NFE2L2: variants seen among roughly 807,000 people sequenced by gnomAD.
NFE2L2 encodes the protein NFE2 like bZIP transcription factor 2.
A neutral mutation model predicts 49.6 loss-of-function variants in NFE2L2; 20 were observed. The observed-to-expected ratio is 0.40, with a 90% confidence interval of 0.28 to 0.59. The LOEUF is 0.59. Ranked by LOEUF, NFE2L2 falls within the 20% of genes least tolerant of loss-of-function variation. NFE2L2 has a pLI of 0.40. For missense variants in NFE2L2, 578 were observed against 714.2 expected (o/e 0.81, Z 2.17); for synonymous variants, 244 against 256.5 (o/e 0.95, Z 0.47).
intron 1 of NFE2L2, chr2:177,263,744 G>C (rs1213816510): frequency 1.0e-6 from 1 of 985,360 alleles, no homozygotes. Flanking sequence ...TTCCCGCGGC[G>C]TTACGAGGGG....
intron 1 of NFE2L2, 96 bp downstream of exon 1, chr2:177,264,436 G>GAAGCC (rs1690862966): frequency 7.7e-7 from 1 of 1,306,978 alleles, no homozygotes; most frequent in African/African-American, 1.5e-5. Flanking sequence ...AGACGTGGGG[G>GAAGCC]AAGCCGGTTG....
At chr2:177,232,733 T>G in intron 3 of NFE2L2, 150 bp from the exon 4 acceptor site, 1 of 737,576 alleles carries the variant, frequency 1.4e-6, no homozygotes. Flanking sequence ...AAATAACAAA[T>G]CTTTTTTTCC....
At chr2:177,250,891 GA>G (rs946647172) in intron 1 of NFE2L2, among the ~76,000 whole-genome samples, 2 of 152,190 alleles carry the variant, frequency 1.3e-5, no homozygotes, top group Non-Finnish European at 2.9e-5. Context: ...AGCCCTTACG[GA>G]AAAGTTTTCC....
intron 1 of NFE2L2, among the ~76,000 whole-genome samples, chr2:177,242,321 A>G (rs2105470208): frequency 6.6e-6 from 1 of 152,226 alleles, no homozygotes; most frequent in East Asian, 1.9e-4. Context: ...TGTTGTATAC[A>G]TCAGCAGAGA....
chr2:177,231,376 T>C lies in NFE2L2; in HGVS notation c.1227A>G (p.Pro409=). ...SSGDMVQPLS[P]SQGQSTHVHD... Reference sequence around the variant, plus strand: ...GCACGTGAGTGCTCTGCCCCTGAGATGGTGACAAGGGTTGTACCATATCCC... The same window carrying C: ...GCACGTGAGTGCTCTGCCCCTGAGACGGTGACAAGGGTTGTACCATATCCC... The change falls in exon 5 of 5, where the codon CCA becomes CCG. Residue 409 remains proline (P), a synonymous_variant. Coordinates refer to ENST00000397062, the MANE Select transcript of NFE2L2 (RefSeq NM_006164.5). The C allele has an allele frequency of 6.2e-7, 1 of 1,614,284 alleles. No homozygotes were observed. The highest frequency in any genetic ancestry group is 8.5e-7 in the Non-Finnish European group (1 of 1,180,052).
At position 177,232,391 on chromosome 2, in the gene NFE2L2, C is replaced by T. The variant is rs2105455059; in HGVS notation, c.594+1G>A. 6.2e-7 allele frequency: 1 copy of T among 1,610,500 alleles called. No homozygotes were observed. The highest frequency in any genetic ancestry group is 8.5e-7 in the Non-Finnish European group (1 of 1,177,812). ...CCAGTATTACATTCTATTTTAGTTACCTGTAACTCAGGAATGGATAATAGC... is the reference window on the plus strand; with the variant it reads ...CCAGTATTACATTCTATTTTAGTTATCTGTAACTCAGGAATGGATAATAGC... On this transcript the variant is annotated splice_donor_variant, in intron 4 of 4. Transcript: ENST00000397062. LOFTEE classifies it high-confidence loss of function.
At chr2:177,244,602 T>G (rs1306002667) in intron 1 of NFE2L2, among the ~76,000 whole-genome samples, 1 of 152,210 alleles carries the variant, frequency 6.6e-6, no homozygotes, top group Non-Finnish European at 1.5e-5. Flanking sequence ...ACTGGCCTAC[T>G]GTGTGAATAT....
chr2:177,240,302 A>G (rs772082787), intron 1 of NFE2L2, among the ~76,000 whole-genome samples: 3 of 152,228 alleles, frequency 2.0e-5, no homozygotes, highest in Admixed American at 6.5e-5. Context: ...AAAGTGTTAG[A>G]TAAGTAGGGT....
intron 1 of NFE2L2, among the ~76,000 whole-genome samples, chr2:177,244,767 G>A (rs1690065239): frequency 6.6e-6 from 1 of 152,154 alleles, no homozygotes. Context: ...AGCACTTTGG[G>A]AGGCCGAGGC....
chr2:177,264,631 C>A lies in NFE2L2; in HGVS notation c.-55G>T. On this transcript the variant is annotated 5_prime_UTR_variant, in exon 1 of 5. Coordinates refer to ENST00000397062, the MANE Select transcript of NFE2L2 (RefSeq NM_006164.5). Reference sequence around the variant, plus strand: ...CCCGACGGCGGCCCTGTTCCGGCTGCCGAGGCGCGGCGCGGACAGGGCGGC... The same window carrying A: ...CCCGACGGCGGCCCTGTTCCGGCTGACGAGGCGCGGCGCGGACAGGGCGGC... 7.2e-7 allele frequency: 1 copy of A among 1,394,570 alleles called. No individual in the cohort carries two copies. The allele number at this position is 1,394,570 out of a possible 1,614,324, so 86.4% of individuals were successfully genotyped here. A position where few individuals can be genotyped will look rare whatever the true frequency, so the allele number is the denominator to read the frequency against.
chr2:177,239,968 A>C (rs1433729621), intron 1 of NFE2L2, among the ~76,000 whole-genome samples: 6 of 138,016 alleles, frequency 4.3e-5, no homozygotes, highest in Non-Finnish European at 6.3e-5. Flanking sequence ...AAAAAAAAAA[A>C]CAGCAGAAGT....
chr2:177,245,061 G>A (rs1015898995), intron 1 of NFE2L2, among the ~76,000 whole-genome samples: 1 of 145,806 alleles, frequency 6.9e-6, no homozygotes, highest in Non-Finnish European at 1.5e-5. Context: ...TACATCCTTC[G>A]TCTCCCTTCT....
At chr2:177,235,348 G>GATCA (rs1317669562) in intron 1 of NFE2L2, among the ~76,000 whole-genome samples, 1 of 151,478 alleles carries the variant, frequency 6.6e-6, no homozygotes, top group East Asian at 1.9e-4. Context: ...GAGGTAGGAG[G>GATCA]ATCACTTCAG....
At chr2:177,258,677 C>T (rs967329806) in intron 1 of NFE2L2, among the ~76,000 whole-genome samples, 10 of 151,894 alleles carry the variant, frequency 6.6e-5, no homozygotes, top group Admixed American at 6.6e-4. Context: ...AAAACAGATA[C>T]ATAAGTAAGA....
chr2:177,242,900 T>C (rs965762127), intron 1 of NFE2L2, among the ~76,000 whole-genome samples: 1 of 144,488 alleles, frequency 6.9e-6, no homozygotes, highest in Non-Finnish European at 1.5e-5. Flanking sequence ...GGAGGTTTTG[T>C]TTTTTTTTTG....
chr2:177,253,933 G>T (rs1016021597), intron 1 of NFE2L2, among the ~76,000 whole-genome samples: 3 of 152,102 alleles, frequency 2.0e-5, no homozygotes, highest in East Asian at 3.9e-4. Context: ...AATTTTCTTA[G>T]CGGATTCTAG....
At chr2:177,244,894 T>C (rs1350886913) in intron 1 of NFE2L2, among the ~76,000 whole-genome samples, 2 of 150,262 alleles carry the variant, frequency 1.3e-5, no homozygotes, top group Admixed American at 6.7e-5. Context: ...TCCCAGCTAC[T>C]TGGGAGGCTG....
rs745540325 is a variant in NFE2L2 at position 177,231,167 on chromosome 2, A to G, written c.1436T>C (p.Val479Ala). Reference sequence around the variant, plus strand: ...TTTGGACATCATTTCGTTGAAGTCAACAACAGGGAGGTTAATGATTTTTTC... The same window carrying G: ...TTTGGACATCATTTCGTTGAAGTCAGCAACAGGGAGGTTAATGATTTTTTC... ...PVEKIINLPV[V>A]DFNEMMSKEQ... The change falls in exon 5 of 5, where the codon GTT (valine) becomes GCT (alanine). Residue 479 changes from valine (V) to alanine (A), a missense_variant. Physicochemically the swap from Val to Ala is moderately conservative, Grantham distance 64. Transcript: ENST00000397062. 6.8e-6 allele frequency: 11 copies of G among 1,614,052 alleles called. No individual in the cohort carries two copies. The highest frequency in any genetic ancestry group is 3.3e-4 in the Middle Eastern group (2 of 6,084).
chr2:177,246,237 C>G (rs1418293653), intron 1 of NFE2L2, among the ~76,000 whole-genome samples: 13 of 152,186 alleles, frequency 8.5e-5, no homozygotes, highest in Non-Finnish European at 1.9e-4. Flanking sequence ...GAAATCAGGA[C>G]AACTCCCTTG....
Sources: gnomAD v4.1 joint callset for allele counts (sites outside exome capture counted in the v4.1 genomes callset) on GRCh38, gnomAD v4.1.1 for gene constraint, MANE v1.5 for transcripts, NCBI Gene and HGNC (gene_info 2026-07-23, HGNC 2026-07-21) for gene names.